The following TRPM3 variants were observed in gnomAD, a reference collection of about 807,000 sequenced individuals.
The protein encoded by TRPM3 is long transient receptor potential channel 3.
TRPM3 carries 77 observed loss-of-function variants against 181.2 expected under a neutral mutation model. The ratio of observed to expected loss-of-function variants is 0.42; its 90% confidence interval spans 0.35 to 0.51. TRPM3 has a LOEUF of 0.51. TRPM3 is among the 20% of genes least tolerant of loss of function. The probability of loss-of-function intolerance (pLI) is 0.01; values close to 1 mark genes in which losing one functional copy is unlikely to be tolerated. For missense variants in TRPM3, 1,759 were observed against 2,196.7 expected, an observed-to-expected ratio of 0.80 and a Z score of 3.98; for synonymous variants, 745 against 796.4, an observed-to-expected ratio of 0.94 and a Z score of 1.09.
intron 1 of TRPM3, among the ~76,000 whole-genome samples, chr9:71,225,198 G>C (rs2080516528): frequency 6.6e-6 from 1 of 151,958 alleles, no homozygotes; most frequent in Non-Finnish European, 1.5e-5. Context: ...CAAAAGTCAA[G>C]AATGAAAAAG....
At chr9:70,610,786 C>T (rs752691473) in intron 18 of TRPM3, 37 bp from the exon 19 acceptor site, 2 of 1,609,706 alleles carry the variant, frequency 1.2e-6, no homozygotes, top group Non-Finnish European at 1.7e-6. Context: ...CATGACAGGG[C>T]TCTGGAGAGC....
At chr9:71,147,256 A>G (rs1048101687) in intron 1 of TRPM3, among the ~76,000 whole-genome samples, 3 of 152,092 alleles carry the variant, frequency 2.0e-5, no homozygotes, top group Non-Finnish European at 4.4e-5. Flanking sequence ...GTGGCTTAAT[A>G]TTCCTTCATT....
chr9:71,194,811 A>G (rs1565326321), intron 1 of TRPM3, among the ~76,000 whole-genome samples: 1 of 151,992 alleles, frequency 6.6e-6, no homozygotes, highest in African/African-American at 2.4e-5. Context: ...AAAAGAAAAA[A>G]AAAAGAAAAC....
chr9:70,846,341 G>A, intron 4 of TRPM3, 37 bp downstream of exon 4: 1 of 1,558,358 alleles, frequency 6.4e-7, no homozygotes, highest in Non-Finnish European at 8.9e-7. Flanking sequence ...ACATTCCCAT[G>A]GCCTATGTTG....
At chr9:70,564,016 G>A (rs1026533973) in intron 22 of TRPM3, among the ~76,000 whole-genome samples, 8 of 152,134 alleles carry the variant, frequency 5.3e-5, no homozygotes, top group Non-Finnish European at 8.8e-5. Flanking sequence ...GAACATAGTC[G>A]CTAAGACTTC....
intron 22 of TRPM3, among the ~76,000 whole-genome samples, chr9:70,587,038 A>G (rs1365611699): frequency 1.3e-5 from 2 of 152,152 alleles, no homozygotes; most frequent in East Asian, 1.9e-4. Context: ...TACTAAATAT[A>G]TACATACATA....
At chr9:71,098,831 G>C (rs1029539278) in intron 1 of TRPM3, among the ~76,000 whole-genome samples, 1 of 152,130 alleles carries the variant, frequency 6.6e-6, no homozygotes, top group African/African-American at 2.4e-5. Context: ...TCAGTGGCCA[G>C]TGAAACCTAT....
At chr9:70,885,191 C>T (rs933430688) in intron 1 of TRPM3, among the ~76,000 whole-genome samples, 19 of 152,158 alleles carry the variant, frequency 1.2e-4, no homozygotes, top group African/African-American at 4.6e-4. Flanking sequence ...CTTCTTAAAG[C>T]AGGATTTCTC....
chr9:70,852,964 T>A (rs556558129), intron 3 of TRPM3, among the ~76,000 whole-genome samples: 11 of 152,288 alleles, frequency 7.2e-5, no homozygotes, highest in Admixed American at 2.6e-4. Context: ...ATATATATAT[T>A]TTTTTCTGGT....
intron 22 of TRPM3, among the ~76,000 whole-genome samples, chr9:70,576,542 G>A (rs1365707506): frequency 6.7e-6 from 1 of 149,562 alleles, no homozygotes; most frequent in Non-Finnish European, 1.5e-5. Flanking sequence ...CCAGAGGGAG[G>A]CTTGCTCGGT....
At chr9:71,063,972 C>A (rs2061613564) in intron 1 of TRPM3, among the ~76,000 whole-genome samples, 1 of 151,884 alleles carries the variant, frequency 6.6e-6, no homozygotes, top group Non-Finnish European at 1.5e-5. Flanking sequence ...AGGTTGGAAA[C>A]ATAGGAAGGG....
chr9:70,986,855 C>T (rs1227780776), intron 1 of TRPM3, among the ~76,000 whole-genome samples: 1 of 151,956 alleles, frequency 6.6e-6, no homozygotes, highest in Non-Finnish European at 1.5e-5. Context: ...AGTCATCCCT[C>T]AAGGAGTATC....
chr9:71,139,999 C>T (rs1479566752), intron 1 of TRPM3, among the ~76,000 whole-genome samples: 1 of 152,136 alleles, frequency 6.6e-6, no homozygotes, highest in African/African-American at 2.4e-5. Flanking sequence ...TCTACTTGTT[C>T]CCTAACTCTG....
At chr9:70,777,642 C>G (rs2081617262) in intron 7 of TRPM3, among the ~76,000 whole-genome samples, 1 of 150,306 alleles carries the variant, frequency 6.7e-6, no homozygotes, top group African/African-American at 2.4e-5. Flanking sequence ...TCCATTTACT[C>G]CAACCTATGC....
chr9:70,550,912 T>G (rs2046313570), intron 24 of TRPM3, among the ~76,000 whole-genome samples: 1 of 152,136 alleles, frequency 6.6e-6, no homozygotes, highest in African/African-American at 2.4e-5. Context: ...CACTTGAGAT[T>G]CACTCATGAA....
chr9:70,763,507 A>G (rs1003382028), intron 7 of TRPM3, among the ~76,000 whole-genome samples: 2 of 152,150 alleles, frequency 1.3e-5, no homozygotes, highest in African/African-American at 4.8e-5. Context: ...GTCTAAAAAA[A>G]ATTTATATTT....
At chr9:70,951,879 A>T (rs1175891950) in intron 1 of TRPM3, among the ~76,000 whole-genome samples, 1 of 152,290 alleles carries the variant, frequency 6.6e-6, no homozygotes, top group East Asian at 1.9e-4. Flanking sequence ...AGAATTTCTG[A>T]TCAACTGAAC....
At chr9:70,846,244 A>AT in intron 4 of TRPM3, 134 bp downstream of exon 4, 1 of 778,732 alleles carries the variant, frequency 1.3e-6, no homozygotes, top group South Asian at 1.7e-5. Context: ...GGAGGGAGTG[A>AT]TAACCAGCAA....
chr9:70,965,570 G>A (rs529482388), intron 1 of TRPM3, among the ~76,000 whole-genome samples: 15 of 151,954 alleles, frequency 9.9e-5, no homozygotes, highest in Admixed American at 2.0e-4. Context: ...GTTTATGTGA[G>A]GAATCACATT....
Sources: gnomAD v4.1 joint callset for allele counts (sites outside exome capture counted in the v4.1 genomes callset) on GRCh38, gnomAD v4.1.1 for gene constraint, MANE v1.5 for transcripts, NCBI Gene and HGNC (gene_info 2026-07-23, HGNC 2026-07-21) for gene names.